ADK: variants seen among roughly 807,000 people sequenced by gnomAD.
The protein encoded by ADK is N6,N6-dimethyladenosine kinase.
In ADK, 24 loss-of-function variants were observed where a neutral mutation model predicts 44.7. The observed-to-expected ratio is 0.54, with a 90% CI of 0.39 to 0.76. The LOEUF (loss-of-function observed/expected upper bound fraction) is 0.76, where lower values mean the gene tolerates loss of function less well. ADK is among the 30% of genes least tolerant of loss of function. The pLI is 0.00. For synonymous variants in ADK, 128 were observed against 142.6 expected (o/e 0.90, Z 0.73); for missense variants, 321 against 425.1 (o/e 0.76, Z 2.15).
intron 7 of ADK, among the ~76,000 whole-genome samples, chr10:74,557,985 A>G (rs192408351): frequency 2.6e-5 from 4 of 152,292 alleles, no homozygotes; most frequent in Admixed American, 2.0e-4. Flanking sequence ...GTTAATCATT[A>G]TGGGGTGCTA....
chr10:74,151,387 G>A, intron 1 of ADK, 44 bp downstream of exon 1: 2 of 1,544,394 alleles, frequency 1.3e-6, no homozygotes, highest in East Asian at 2.4e-5. Context: ...GGCGCTGCAA[G>A]CAAGCCAGGG....
chr10:74,239,597 TAGCTATCAGGAGG>T (rs2132295238), intron 3 of ADK, among the ~76,000 whole-genome samples: 1 of 151,580 alleles, frequency 6.6e-6, no homozygotes, highest in East Asian at 2.0e-4. Context: ...CCTCTGGTAC[TAGCTATCAGGAGG>T]CTGAGGTGGG....
At chr10:74,656,329 A>C (rs1854487995) in intron 9 of ADK, among the ~76,000 whole-genome samples, 1 of 152,216 alleles carries the variant, frequency 6.6e-6, no homozygotes, top group Non-Finnish European at 1.5e-5. Context: ...CCACAGTGTG[A>C]AGATGGTACA....
chr10:74,587,605 A>G (rs565964319), intron 7 of ADK, among the ~76,000 whole-genome samples: 64 of 152,290 alleles, frequency 4.2e-4, no homozygotes, highest in Non-Finnish European at 7.8e-4. Flanking sequence ...GCTTGATGCT[A>G]CAGTCGTTTT....
chr10:74,663,688 C>A (rs545112689), intron 9 of ADK, among the ~76,000 whole-genome samples: 3 of 152,264 alleles, frequency 2.0e-5, no homozygotes, highest in Non-Finnish European at 4.4e-5. Context: ...TATATTAACA[C>A]ATTTAGAAAG....
intron 7 of ADK, among the ~76,000 whole-genome samples, chr10:74,561,709 A>G (rs1436950706): frequency 6.6e-6 from 1 of 152,186 alleles, no homozygotes; most frequent in Non-Finnish European, 1.5e-5. Context: ...ACCAGTAGAC[A>G]ATATAGATTT....
intron 3 of ADK, among the ~76,000 whole-genome samples, chr10:74,243,025 G>A (rs1186420532): frequency 6.6e-6 from 1 of 152,188 alleles, no homozygotes; most frequent in Non-Finnish European, 1.5e-5. Context: ...CAGAACCCAC[G>A]GAGTGCAGGT....
chr10:74,168,670 T>C (rs1295625409), intron 1 of ADK, among the ~76,000 whole-genome samples: 1 of 151,606 alleles, frequency 6.6e-6, no homozygotes, highest in Non-Finnish European at 1.5e-5. Flanking sequence ...TGTAGTGCAG[T>C]GGCATGACCT....
intron 4 of ADK, among the ~76,000 whole-genome samples, chr10:74,359,406 T>TTAAAA (rs1842251955): frequency 1.3e-5 from 2 of 152,108 alleles, no homozygotes; most frequent in East Asian, 3.8e-4. Context: ...CTCACTTTGG[T>TTAAAA]TAGTAAAGAT....
At chr10:74,559,517 G>A (rs1850380744) in intron 7 of ADK, among the ~76,000 whole-genome samples, 1 of 152,068 alleles carries the variant, frequency 6.6e-6, no homozygotes, top group Non-Finnish European at 1.5e-5. Flanking sequence ...TATGTCTTAT[G>A]TACTTTTGTG....
chr10:74,321,423 A>G (rs1021199851), intron 4 of ADK, among the ~76,000 whole-genome samples: 3 of 152,064 alleles, frequency 2.0e-5, no homozygotes, highest in South Asian at 2.1e-4. Context: ...AGTTGGGACT[A>G]TAGGTGCACA....
intron 6 of ADK, among the ~76,000 whole-genome samples, chr10:74,426,228 C>G (rs966942261): frequency 6.6e-6 from 1 of 152,028 alleles, no homozygotes; most frequent in Admixed American, 6.6e-5. Context: ...ATATATGAGA[C>G]TAAACATAAA....
At chr10:74,169,151 G>A (rs977555011) in intron 1 of ADK, among the ~76,000 whole-genome samples, 7 of 151,660 alleles carry the variant, frequency 4.6e-5, no homozygotes, top group Non-Finnish European at 1.0e-4. Context: ...CCTGGGAGGC[G>A]GAAGTTGCAG....
intron 7 of ADK, among the ~76,000 whole-genome samples, chr10:74,574,984 G>A (rs111677433): frequency 0.02 from 3,086 of 152,182 alleles, 50 homozygotes; most frequent in Non-Finnish European, 0.029. Context: ...AAACTAGGTG[G>A]GGGGGAAACA....
At chr10:74,195,078 C>A (rs139973873) in intron 1 of ADK, among the ~76,000 whole-genome samples, 1 of 94,150 alleles carries the variant, frequency 1.1e-5, no homozygotes, top group African/African-American at 4.5e-5. Flanking sequence ...AATTACTGAC[C>A]GCTCCCCCCC....
At chr10:74,594,874 TA>T (rs1173488796) in intron 8 of ADK, among the ~76,000 whole-genome samples, 1 of 151,892 alleles carries the variant, frequency 6.6e-6, no homozygotes, top group East Asian at 1.9e-4. Flanking sequence ...TTCAACAGAT[TA>T]AAAAAATAGG....
At chr10:74,220,784 G>C (rs1231049740) in intron 2 of ADK, among the ~76,000 whole-genome samples, 1 of 152,130 alleles carries the variant, frequency 6.6e-6, no homozygotes, top group Non-Finnish European at 1.5e-5. Flanking sequence ...GATTATCTCA[G>C]TAGATGCAGA....
At chr10:74,192,812 C>T (rs1327912845) in intron 1 of ADK, among the ~76,000 whole-genome samples, 3 of 152,234 alleles carry the variant, frequency 2.0e-5, no homozygotes, top group Non-Finnish European at 2.9e-5. Context: ...AGGTGTGAGC[C>T]ACCATGGCTG....
chr10:74,403,201 T>C (rs915080115), intron 6 of ADK, among the ~76,000 whole-genome samples: 1 of 152,212 alleles, frequency 6.6e-6, no homozygotes, highest in Non-Finnish European at 1.5e-5. Context: ...AGGGACCCAC[T>C]TGAGGAGGCA....
Sources: gnomAD v4.1 joint callset for allele counts (sites outside exome capture counted in the v4.1 genomes callset) on GRCh38, gnomAD v4.1.1 for gene constraint, MANE v1.5 for transcripts, NCBI Gene and HGNC (gene_info 2026-07-23, HGNC 2026-07-21) for gene names.